NUP205: variants seen among roughly 807,000 people sequenced by gnomAD.
NUP205 encodes nucleoporin 205, also known as nuclear pore complex protein Nup205.
A neutral mutation model predicts 253.8 loss-of-function variants in NUP205; 76 were observed. That is an observed-to-expected ratio of 0.30 (90% CI 0.25 to 0.36). The LOEUF (loss-of-function observed/expected upper bound fraction) is 0.36. NUP205 is among the 10% of genes least tolerant of loss of function. NUP205 has a pLI of 1.00. For synonymous variants in NUP205, 832 were observed against 850.1 expected (o/e 0.98, Z 0.37); for missense variants, 2,162 against 2,425.5 (o/e 0.89, Z 2.28).
chr7:135,620,394 A>G (rs1373232267), intron 30 of NUP205, among the ~76,000 whole-genome samples: 6 of 152,190 alleles, frequency 3.9e-5, no homozygotes, highest in Middle Eastern at 3.2e-3. Context: ...ATTAGCAGCC[A>G]TGGTGGCAGG....
chr7:135,616,668 A>T lies in NUP205; in HGVS notation c.3474A>T (p.Gly1158=). The change falls in exon 25 of 43, where the codon GGA becomes GGT. Residue 1158 remains glycine (G), a synonymous_variant. Transcript: ENST00000285968. ...PVKPYSDGEG[G]IEDENRSVSG... is the part of the protein sequence containing the mutation. The stretch of plus-strand genomic sequence containing the variant: ...ATATTCCAACAGATGGTGAAGGAGG[A>T]ATAGAAGATGAAAACAGGTCTGTTT... 6.4e-7 allele frequency: 1 copy of T among 1,564,526 alleles called. No homozygotes were observed. The highest frequency in any genetic ancestry group is 8.6e-7 in the Non-Finnish European group (1 of 1,157,472).
At chr7:135,570,756 T>TTATATATATTAATTATATTAA (rs1554456492) in intron 1 of NUP205, among the ~76,000 whole-genome samples, 1 of 72,894 alleles carries the variant, frequency 1.4e-5, no homozygotes, top group Non-Finnish European at 2.6e-5. Context: ...TTAATTATAT[T>TTATATATATTAATTATATTAA]TATATATTAT....
At chr7:135,630,016 C>T (rs551244953) in intron 34 of NUP205, among the ~76,000 whole-genome samples, 1 of 152,238 alleles carries the variant, frequency 6.6e-6, no homozygotes, top group East Asian at 1.9e-4. Context: ...AAATAGGGGT[C>T]AGATAATAGT....
Position 135,616,004 on chromosome 7 carries a change from G to A in NUP205, c.3399G>A (p.Arg1133=), listed in dbSNP as rs1302171121. Residue 1133 remains arginine, a synonymous_variant, in exon 24 of 43, where the codon CGG becomes CGA. Transcript: ENST00000285968. The stretch of plus-strand genomic sequence containing the variant: ...GGGTAACCTCTCTGAATCGTCAGCG[G>A]TCACATACCCAGAGGCTCCTACACC... ...ELRVTSLNRQ[R]SHTQRLLHLL... 3.1e-6 allele frequency: 5 copies of A among 1,613,850 alleles called. No individual in the cohort carries two copies. The South Asian group carries it at 4.4e-5, about 14-fold the overall frequency.
At chr7:135,646,316 A>G (rs1311424243) in intron 42 of NUP205, 85 bp downstream of exon 42, 2 of 1,001,316 alleles carry the variant, frequency 2.0e-6, no homozygotes, top group African/African-American at 3.2e-5. Context: ...TAATCCCAGC[A>G]TTTTGGGAGG....
At chr7:135,584,196 A>G (rs146337902) in intron 7 of NUP205, among the ~76,000 whole-genome samples, 189 of 152,270 alleles carry the variant, frequency 1.2e-3, no homozygotes, top group African/African-American at 4.3e-3. Context: ...TGAGATATGT[A>G]TGAGTGGAGA....
chr7:135,646,267 C>T, intron 42 of NUP205, 36 bp downstream of exon 42: 1 of 1,461,594 alleles, frequency 6.8e-7, no homozygotes, highest in Non-Finnish European at 9.6e-7. Flanking sequence ...TATTTTTCTT[C>T]ATTAAAGTAA....
intron 35 of NUP205, among the ~76,000 whole-genome samples, chr7:135,633,277 T>C (rs1322817634): frequency 1.3e-5 from 2 of 151,868 alleles, no homozygotes; most frequent in African/African-American, 2.4e-5. Context: ...TTGTTTGTTT[T>C]AGAGACTGGG....
intron 30 of NUP205, among the ~76,000 whole-genome samples, 186 bp downstream of exon 30, chr7:135,620,074 C>T (rs1261601387): frequency 6.6e-6 from 1 of 152,196 alleles, no homozygotes; most frequent in Non-Finnish European, 1.5e-5. Flanking sequence ...TGAAGTAGTA[C>T]ATGAGTACTA....
intron 33 of NUP205, 26 bp downstream of exon 33, chr7:135,626,387 G>A (rs757060291): frequency 1.3e-6 from 2 of 1,594,166 alleles, no homozygotes; most frequent in Admixed American, 1.8e-5. Context: ...GATTAATTTG[G>A]TTAAACTCCC....
intron 10 of NUP205, 152 bp downstream of exon 10, chr7:135,588,144 T>G (rs1317867849): frequency 1.8e-6 from 1 of 566,682 alleles, no homozygotes; most frequent in Admixed American, 4.0e-5. Flanking sequence ...TTTTATTTAT[T>G]TATTTATTTA....
intron 1 of NUP205, among the ~76,000 whole-genome samples, chr7:135,566,892 C>A (rs986603510): frequency 1.3e-5 from 2 of 151,538 alleles, no homozygotes; most frequent in Admixed American, 6.6e-5. Context: ...TGCGCACCAC[C>A]ATGCCTGGCT....
intron 22 of NUP205, among the ~76,000 whole-genome samples, chr7:135,611,695 A>G (rs749822663): frequency 2.6e-5 from 4 of 152,196 alleles, no homozygotes; most frequent in African/African-American, 4.8e-5. Context: ...AAAATTAGCC[A>G]GGCGTTATGC....
At chr7:135,570,052 T>TATAGAGAGAG (rs1284263475) in intron 1 of NUP205, among the ~76,000 whole-genome samples, 9 of 79,162 alleles carry the variant, frequency 1.1e-4, no homozygotes, top group African/African-American at 4.2e-4. Flanking sequence ...TATATATATA[T>TATAGAGAGAG]AGAGAGAGAG....
chr7:135,631,390 G>A (rs950405514), intron 35 of NUP205, among the ~76,000 whole-genome samples: 2 of 152,124 alleles, frequency 1.3e-5, no homozygotes, highest in Non-Finnish European at 2.9e-5. Context: ...ATCACTGCGA[G>A]TAAGGAAAAA....
At chr7:135,631,687 G>A (rs1255122605) in intron 35 of NUP205, among the ~76,000 whole-genome samples, 1 of 151,456 alleles carries the variant, frequency 6.6e-6, no homozygotes, top group South Asian at 2.1e-4. Flanking sequence ...CCACCATGGC[G>A]TCACCATTCA....
intron 1 of NUP205, among the ~76,000 whole-genome samples, chr7:135,563,674 T>A (rs1805659534): frequency 6.6e-6 from 1 of 152,074 alleles, no homozygotes. Context: ...TTTAGTAATT[T>A]TGAAAAATTT....
chr7:135,612,679 G>A (rs115170645), intron 22 of NUP205, among the ~76,000 whole-genome samples: 13 of 152,250 alleles, frequency 8.5e-5, no homozygotes, highest in Admixed American at 8.5e-4. Flanking sequence ...GTTCTCCCGC[G>A]CATGAAGGAC....
chr7:135,565,682 T>G (rs1805736793), intron 1 of NUP205, among the ~76,000 whole-genome samples: 1 of 152,204 alleles, frequency 6.6e-6, no homozygotes, highest in Non-Finnish European at 1.5e-5. Flanking sequence ...TCTGCCCACC[T>G]TGGCCTCCCG....
Sources: allele counts gnomAD v4.1 joint callset (sites outside exome capture counted in the v4.1 genomes callset), GRCh38; gene constraint gnomAD v4.1.1; transcripts MANE v1.5; gene names NCBI Gene and HGNC (gene_info 2026-07-23, HGNC 2026-07-21).